Variants in ANKS1B observed in about 807,000 individuals in gnomAD.
ANKS1B encodes the protein ankyrin repeat and sterile alpha motif domain containing 1B, also known as ankyrin repeat and sterile alpha motif domain-containing protein 1B.
In ANKS1B, 36 loss-of-function variants were observed where a neutral mutation model predicts 148.3. That is an observed-to-expected ratio of 0.24 (90% confidence interval 0.19 to 0.32). The LOEUF is 0.32. ANKS1B is among the 10% of genes least tolerant of loss of function. ANKS1B has a pLI of 1.00. For synonymous variants in ANKS1B, 542 were observed against 560.8 expected (o/e 0.97, Z 0.47); for missense variants, 1,157 against 1,542.6 (o/e 0.75, Z 4.19).
intron 15 of ANKS1B, among the ~76,000 whole-genome samples, chr12:99,125,579 G>A (rs1415545175): frequency 1.3e-5 from 2 of 152,074 alleles, no homozygotes; most frequent in African/African-American, 4.8e-5. Flanking sequence ...AAGAGTTCTG[G>A]GCATGAATTG....
chr12:98,795,577 G>A, intron 22 of ANKS1B: 2 of 437,196 alleles, frequency 4.6e-6, no homozygotes, highest in South Asian at 3.3e-5. Flanking sequence ...TTATTATGTG[G>A]TTTTCTTTTA....
At chr12:99,283,997 C>A (rs1039147069) in intron 12 of ANKS1B, among the ~76,000 whole-genome samples, 15 of 152,150 alleles carry the variant, frequency 9.9e-5, no homozygotes, top group African/African-American at 3.4e-4. Context: ...CTTAACAAGA[C>A]TCCTCCTAAA....
At chr12:99,635,404 A>T (rs995360496) in intron 9 of ANKS1B, among the ~76,000 whole-genome samples, 1 of 152,206 alleles carries the variant, frequency 6.6e-6, no homozygotes, top group South Asian at 2.1e-4. Context: ...TATACACACA[A>T]TGGAATATTA....
intron 9 of ANKS1B, among the ~76,000 whole-genome samples, chr12:99,598,737 G>T (rs2097777138): frequency 6.6e-6 from 1 of 152,060 alleles, no homozygotes; most frequent in Non-Finnish European, 1.5e-5. Context: ...CAGATTGGGG[G>T]CAAAAATATA....
chr12:99,405,876 G>A (rs953536545), intron 11 of ANKS1B, among the ~76,000 whole-genome samples: 2 of 144,862 alleles, frequency 1.4e-5, no homozygotes, highest in Non-Finnish European at 3.0e-5. Flanking sequence ...AATCAAAAAA[G>A]AGCAGTCGTA....
intron 9 of ANKS1B, among the ~76,000 whole-genome samples, chr12:99,527,601 TGAAATATACTTG>T (rs905365683): frequency 1.4e-4 from 21 of 152,118 alleles, no homozygotes; most frequent in South Asian, 2.1e-4. Flanking sequence ...AAATTGTTGG[TGAAATATACTTG>T]GAAAATACAG....
At chr12:99,841,696 CT>C (rs1408242619) in intron 1 of ANKS1B, among the ~76,000 whole-genome samples, 1 of 151,982 alleles carries the variant, frequency 6.6e-6, no homozygotes, top group Non-Finnish European at 1.5e-5. Context: ...ATATAGTCGA[CT>C]TTTTCTTACA....
chr12:99,423,208 A>G (rs1329225279), intron 11 of ANKS1B, among the ~76,000 whole-genome samples: 1 of 152,208 alleles, frequency 6.6e-6, no homozygotes, highest in African/African-American at 2.4e-5. Flanking sequence ...CTATGAATTT[A>G]TAACATTAAA....
chr12:99,517,726 T>C (rs756160839), intron 9 of ANKS1B, among the ~76,000 whole-genome samples: 2 of 152,162 alleles, frequency 1.3e-5, no homozygotes, highest in East Asian at 1.9e-4. Context: ...TCTTGTTGGA[T>C]TGCTCTATCT....
At chr12:99,195,179 C>A (rs1038823194) in intron 14 of ANKS1B, among the ~76,000 whole-genome samples, 1 of 152,102 alleles carries the variant, frequency 6.6e-6, no homozygotes, top group East Asian at 1.9e-4. Context: ...ATGGTGGAAT[C>A]ATGACCTATA....
chr12:99,506,707 T>G (rs1041603852), intron 9 of ANKS1B, among the ~76,000 whole-genome samples: 1 of 152,002 alleles, frequency 6.6e-6, no homozygotes, highest in African/African-American at 2.4e-5. Flanking sequence ...AAGACTAATG[T>G]TTATAAGTCA....
intron 8 of ANKS1B, among the ~76,000 whole-genome samples, chr12:99,698,274 C>T (rs373272452): frequency 4.7e-4 from 72 of 152,152 alleles, no homozygotes; most frequent in African/African-American, 1.7e-3. Flanking sequence ...GAATACAATA[C>T]TGTTTCCACC....
At chr12:99,750,708 T>C (rs1338772160) in intron 8 of ANKS1B, among the ~76,000 whole-genome samples, 1 of 151,970 alleles carries the variant, frequency 6.6e-6, no homozygotes, top group African/African-American at 2.4e-5. Flanking sequence ...ACCTGTATCT[T>C]CCATCATCTT....
At chr12:98,911,611 A>T (rs1007818382) in intron 17 of ANKS1B, among the ~76,000 whole-genome samples, 1 of 152,198 alleles carries the variant, frequency 6.6e-6, no homozygotes, top group Non-Finnish European at 1.5e-5. Flanking sequence ...CACTGGATTC[A>T]TGCCAAGTGA....
intron 8 of ANKS1B, among the ~76,000 whole-genome samples, chr12:99,703,595 T>A (rs1424694050): frequency 6.6e-6 from 1 of 152,124 alleles, no homozygotes; most frequent in Non-Finnish European, 1.5e-5. Context: ...TCATTTAAAC[T>A]CAGCTCAGAC....
chr12:99,220,960 G>A (rs1023677849), intron 14 of ANKS1B, among the ~76,000 whole-genome samples: 2 of 152,116 alleles, frequency 1.3e-5, no homozygotes, highest in African/African-American at 4.8e-5. Flanking sequence ...CTGGAAGTGA[G>A]GGAGGCCTTT....
intron 24 of ANKS1B, among the ~76,000 whole-genome samples, chr12:98,774,831 C>T (rs2098651705): frequency 6.6e-6 from 1 of 152,176 alleles, no homozygotes; most frequent in African/African-American, 2.4e-5. Context: ...ACATTTTTCA[C>T]CGTGGCCTTT....
chr12:99,347,870 G>GAATCCTAGGAATCCTA (rs2090932650), intron 12 of ANKS1B, among the ~76,000 whole-genome samples: 1 of 151,848 alleles, frequency 6.6e-6, no homozygotes. Context: ...TGTCCCTGAG[G>GAATCCTAGGAATCCTA]AATCCTAGAC....
chr12:98,983,897 T>A (rs919596524), intron 17 of ANKS1B, among the ~76,000 whole-genome samples: 3 of 152,234 alleles, frequency 2.0e-5, no homozygotes, highest in Admixed American at 6.5e-5. Context: ...ACTTTCTTTT[T>A]TCATAAAGAG....
Sources: allele counts gnomAD v4.1 joint callset (sites outside exome capture counted in the v4.1 genomes callset), GRCh38; gene constraint gnomAD v4.1.1; transcripts MANE v1.5; gene names NCBI Gene and HGNC (gene_info 2026-07-23, HGNC 2026-07-21).